Variants in SLC35F4 observed in about 807,000 individuals in gnomAD.
SLC35F4 encodes solute carrier family 35 member F4.
SLC35F4 carries 24 observed loss-of-function variants against 44.2 expected under a neutral mutation model. The ratio of observed to expected loss-of-function variants is 0.54; its 90% CI spans 0.39 to 0.76. The LOEUF (loss-of-function observed/expected upper bound fraction) is 0.76. Ranked by LOEUF, SLC35F4 falls within the 30% of genes least tolerant of loss-of-function variation. The pLI, the probability that SLC35F4 is intolerant of heterozygous loss-of-function variation, is 0.00. For missense variants in SLC35F4, 562 were observed against 586.1 expected, an observed-to-expected ratio of 0.96 and a Z score of 0.42; for synonymous variants, 238 against 223.6, an observed-to-expected ratio of 1.06 and a Z score of -0.57.
chr14:57,678,848 C>CA (rs544801057), intron 1 of SLC35F4, among the ~76,000 whole-genome samples: 80 of 152,076 alleles, frequency 5.3e-4, no homozygotes, highest in African/African-American at 1.9e-3. Flanking sequence ...TATATGCACC[C>CA]AATACAGGAG....
upstream of SLC35F4, among the ~76,000 whole-genome samples, chr14:57,870,545 T>A (rs933834916): frequency 5.3e-5 from 8 of 152,202 alleles, no homozygotes; most frequent in South Asian, 2.1e-4. Context: ...AAGCATCATA[T>A]ATATTAGCTA....
intron 1 of SLC35F4, among the ~76,000 whole-genome samples, chr14:57,663,295 A>G (rs1401093525): frequency 1.3e-5 from 2 of 152,172 alleles, no homozygotes; most frequent in Non-Finnish European, 2.9e-5. Context: ...GTCATTTGTT[A>G]TTTGCTAAAA....
chr14:57,777,277 G>A (rs1247149761), intron 1 of SLC35F4, among the ~76,000 whole-genome samples: 1 of 152,244 alleles, frequency 6.6e-6, no homozygotes, highest in East Asian at 1.9e-4. Flanking sequence ...CCATTACTGG[G>A]TATATACCCA....
At chr14:57,770,866 G>A (rs2077347386) in intron 1 of SLC35F4, among the ~76,000 whole-genome samples, 1 of 152,134 alleles carries the variant, frequency 6.6e-6, no homozygotes, top group Non-Finnish European at 1.5e-5. Flanking sequence ...AAAACCATGG[G>A]AAGGATTTAT....
chr14:57,977,355 A>C (rs1881248426), intron 1 of SLC35F4, among the ~76,000 whole-genome samples: 1 of 152,198 alleles, frequency 6.6e-6, no homozygotes, highest in East Asian at 1.9e-4. Flanking sequence ...AGACATCCGC[A>C]GAAGCTAAGG....
chr14:57,932,853 G>T (rs1182814868), intron 1 of SLC35F4, among the ~76,000 whole-genome samples: 1 of 151,992 alleles, frequency 6.6e-6, no homozygotes, highest in African/African-American at 2.4e-5. Flanking sequence ...TATAGATCTT[G>T]ATTTGAAGCT....
chr14:57,652,235 A>C (rs2073808498), intron 1 of SLC35F4, among the ~76,000 whole-genome samples: 1 of 152,218 alleles, frequency 6.6e-6, no homozygotes, highest in Non-Finnish European at 1.5e-5. Context: ...CCACAGAGCT[A>C]GAATTTTAAT....
chr14:57,639,420 T>C (rs570409111), intron 1 of SLC35F4, among the ~76,000 whole-genome samples: 48 of 152,144 alleles, frequency 3.2e-4, no homozygotes, highest in African/African-American at 1.1e-3. Flanking sequence ...TATGTTAATA[T>C]AGTGTTTTCT....
intron 1 of SLC35F4, among the ~76,000 whole-genome samples, chr14:57,739,780 T>G (rs1175663076): frequency 6.6e-6 from 1 of 152,196 alleles, no homozygotes; most frequent in Admixed American, 6.5e-5. Context: ...AATTCCTACC[T>G]GACAAGTTCA....
At chr14:57,685,909 C>T (rs887094694) in intron 1 of SLC35F4, among the ~76,000 whole-genome samples, 4 of 152,178 alleles carry the variant, frequency 2.6e-5, no homozygotes, top group Admixed American at 2.0e-4. Flanking sequence ...GGCTTGGAAA[C>T]CAGATAACCA....
intron 1 of SLC35F4, among the ~76,000 whole-genome samples, chr14:57,858,713 A>G (rs71414172): frequency 1.9e-5 from 2 of 105,724 alleles, no homozygotes; most frequent in Non-Finnish European, 3.6e-5. Flanking sequence ...GAATTACTAT[A>G]AAAAAAAGAA....
rs375066538 is a variant in SLC35F4, at chr14:57,576,474, A to G, written c.808-4455T>C. On this transcript the variant is annotated intron_variant, in intron 4 of 7. Transcript: ENST00000556826. ...ATTAATAGTTTGACGAATGAGAAAC[A>G]TGCTAATGATTATCTCTCTGGGTAA... Among the ~76,000 whole-genome samples the G allele has an allele frequency of 5.9e-5, 9 of 152,338 alleles. No homozygotes were observed. The South Asian group carries it at 8.3e-4, about 14-fold the overall frequency.
At chr14:57,605,024 T>G (rs1322021077) in intron 1 of SLC35F4, among the ~76,000 whole-genome samples, 1 of 151,982 alleles carries the variant, frequency 6.6e-6, no homozygotes, top group Non-Finnish European at 1.5e-5. Context: ...ACCTAGGAAA[T>G]ACCCTTCTCA....
intron 1 of SLC35F4, among the ~76,000 whole-genome samples, chr14:57,709,637 T>C (rs563885941): frequency 1.3e-5 from 2 of 152,296 alleles, no homozygotes; most frequent in African/African-American, 2.4e-5. Flanking sequence ...GTGCTCTTGC[T>C]ATGCATTAGC....
At chr14:57,828,919 T>C (rs911319) in intron 1 of SLC35F4, among the ~76,000 whole-genome samples, 69,331 of 152,180 alleles carry the variant, frequency 0.46, 17,692 homozygotes, top group African/African-American at 0.69. Flanking sequence ...CACGGGACAC[T>C]TTTTAGCCAT....
intron 1 of SLC35F4, among the ~76,000 whole-genome samples, chr14:57,979,934 G>T (rs1205444565): frequency 6.6e-6 from 1 of 152,156 alleles, no homozygotes; most frequent in South Asian, 2.1e-4. Flanking sequence ...TCATAATCAG[G>T]GTTAATGCTT....
intron 1 of SLC35F4, among the ~76,000 whole-genome samples, chr14:57,706,911 T>C (rs1282976956): frequency 6.6e-6 from 1 of 152,170 alleles, no homozygotes; most frequent in Non-Finnish European, 1.5e-5. Context: ...GAGAGAGTCA[T>C]TACCAGATTC....
intron 1 of SLC35F4, among the ~76,000 whole-genome samples, chr14:57,636,995 C>T (rs896278834): frequency 2.0e-5 from 3 of 152,074 alleles, no homozygotes; most frequent in African/African-American, 7.2e-5. Context: ...CACAGCAGAA[C>T]CAGTTACAAG....
At chr14:57,662,600 G>T (rs2074172985) in intron 1 of SLC35F4, among the ~76,000 whole-genome samples, 1 of 152,168 alleles carries the variant, frequency 6.6e-6, no homozygotes, top group Admixed American at 6.5e-5. Flanking sequence ...ACTAGAAGTG[G>T]ATCAGAGACA....
Sources: allele counts gnomAD v4.1 joint callset (sites outside exome capture counted in the v4.1 genomes callset), GRCh38; gene constraint gnomAD v4.1.1; transcripts MANE v1.5; gene names NCBI Gene and HGNC (gene_info 2026-07-23, HGNC 2026-07-21).